Variants in FAM178B observed in about 807,000 individuals in gnomAD.
FAM178B encodes family with sequence similarity 178 member B.
In FAM178B, 82 loss-of-function variants were observed where a neutral mutation model predicts 91.7. The ratio of observed to expected loss-of-function variants is 0.89; its 90% CI spans 0.75 to 1.07. FAM178B has a LOEUF of 1.07. FAM178B is among the 50% of genes least tolerant of loss of function. FAM178B has a pLI of 0.00. For missense variants in FAM178B, 769 were observed against 846.7 expected (o/e 0.91, Z 1.14); for synonymous variants, 368 against 359.4 (o/e 1.02, Z -0.27).
At chr2:96,890,323 C>T (rs934931298) in intron 14 of FAM178B, among the ~76,000 whole-genome samples, 10 of 151,942 alleles carry the variant, frequency 6.6e-5, no homozygotes, top group Admixed American at 6.6e-4. Flanking sequence ...AATAATTAGC[C>T]CGGTGTGGTA....
At chr2:96,981,740 CAAAAAAAAAAA>C in intron 1 of FAM178B, among the ~76,000 whole-genome samples, 1 of 18,718 alleles carries the variant, frequency 5.3e-5, no homozygotes, top group South Asian at 1.1e-3. Context: ...GACTCCGTCT[CAAAAAAAAAAA>C]AAAAAAAAAA....
In FAM178B at chr2:96,929,268, G is replaced by T; in HGVS notation, c.1131C>A (p.Phe377Leu). Residue 377 changes from phenylalanine (F) to leucine (L), a missense_variant, in exon 9 of 17, where the codon TTC becomes TTA. By Grantham distance (22) the Phe-to-Leu change is conservative. Transcript: ENST00000490605. ...CAGGACTGTGGGCACCCAGGCTGTG[G>T]AATGCCTCCCTGACTTCTTGCAGTG... is the stretch of plus-strand genomic sequence containing the variant. ...CPSLQEVREA[F>L]HSLGAHSPAL... 1 of 1,551,674 alleles carries T rather than the reference G, an allele frequency of 6.4e-7. No homozygotes were observed. Among genetic ancestry groups the T allele is most frequent in the Non-Finnish European group, 8.7e-7 (1 of 1,146,952 alleles).
In FAM178B at chr2:96,921,282, C is replaced by G. The variant is rs2081334062; in HGVS notation, c.1465-20G>C. On this transcript the variant is annotated intron_variant, in intron 11 of 16. Transcript: ENST00000490605. ...CTGGAGCTGCAGGAGAACGGCACCCCATGGGCTACAGGAGGACACCGCCTT... is the reference window on the plus strand; with the variant it reads ...CTGGAGCTGCAGGAGAACGGCACCCGATGGGCTACAGGAGGACACCGCCTT... The G allele has an allele frequency of 4.5e-6, 7 of 1,549,872 alleles. 1 individual carries two copies. Among genetic ancestry groups the G allele is most frequent in the Non-Finnish European group, 4.4e-6 (5 of 1,145,558 alleles).
chr2:96,985,508 A>C (rs1028386987), intron 1 of FAM178B, among the ~76,000 whole-genome samples: 1 of 152,086 alleles, frequency 6.6e-6, no homozygotes, highest in African/African-American at 2.4e-5. Context: ...ATGTCATCTC[A>C]GTTTTTTTGT....
chr2:96,876,215 C>T lies in FAM178B; in HGVS notation c.*61G>A. On this transcript the variant is annotated 3_prime_UTR_variant, in exon 17 of 17. Coordinates refer to ENST00000490605, the MANE Select transcript of FAM178B (RefSeq NM_001122646.3). ...CCTTGATGCTTCGCTTCCTCCAGTT[C>T]CCTGAGCCTGTTCACTTCCTGCTGA... 1.3e-6 allele frequency: 2 copies of T among 1,552,720 alleles called. No homozygotes were observed.
At chr2:96,888,394 C>A (rs1391872223) in intron 14 of FAM178B, among the ~76,000 whole-genome samples, 1 of 152,250 alleles carries the variant, frequency 6.6e-6, no homozygotes, top group African/African-American at 2.4e-5. Context: ...AGGCAGAGAG[C>A]ATGGCGAGAA....
chr2:96,942,346 A>G (rs1002811011), intron 8 of FAM178B, among the ~76,000 whole-genome samples: 4 of 152,220 alleles, frequency 2.6e-5, no homozygotes, highest in Admixed American at 6.5e-5. Flanking sequence ...GCAGAAATTG[A>G]CGAGCTGGTC....
At chr2:96,878,083 A>T (rs563037539) in intron 15 of FAM178B, 41 bp from the exon 16 acceptor site, 2 of 1,596,936 alleles carry the variant, frequency 1.3e-6, no homozygotes, top group South Asian at 1.1e-5. Flanking sequence ...GTGTAGCACA[A>T]GCCAGGCACA....
intron 7 of FAM178B, among the ~76,000 whole-genome samples, chr2:96,951,069 C>A (rs2081918502): frequency 6.6e-6 from 1 of 152,192 alleles, no homozygotes; most frequent in Admixed American, 6.5e-5. Context: ...TACACCAGGT[C>A]CCTCAGGAAA....
chr2:96,898,845 T>C (rs903990781), intron 13 of FAM178B, among the ~76,000 whole-genome samples: 1 of 151,616 alleles, frequency 6.6e-6, no homozygotes, highest in African/African-American at 2.4e-5. Flanking sequence ...GGGTGACAGG[T>C]GGAAAGGAAG....
At chr2:96,957,884 TCCC>T (rs1318181509) in intron 6 of FAM178B, among the ~76,000 whole-genome samples, 1 of 151,886 alleles carries the variant, frequency 6.6e-6, no homozygotes, top group Non-Finnish European at 1.5e-5. Flanking sequence ...AGACAAATAC[TCCC>T]CAATATTCCC....
At chr2:96,958,522 C>G (rs1253700187) in intron 6 of FAM178B, among the ~76,000 whole-genome samples, 2 of 151,222 alleles carry the variant, frequency 1.3e-5, no homozygotes, top group African/African-American at 2.4e-5. Flanking sequence ...ACCCCCATCT[C>G]TACAAAAAAA....
chr2:96,940,927 G>A (rs1451984272), intron 8 of FAM178B, among the ~76,000 whole-genome samples: 1 of 152,190 alleles, frequency 6.6e-6, no homozygotes, highest in Non-Finnish European at 1.5e-5. Flanking sequence ...CGGCGGACCT[G>A]TGGTCTAGAA....
At chr2:96,905,516 C>G (rs1422953886) in intron 12 of FAM178B, among the ~76,000 whole-genome samples, 3 of 146,186 alleles carry the variant, frequency 2.1e-5, no homozygotes. Flanking sequence ...GAGATCACAC[C>G]ACTGTACTCA....
intron 1 of FAM178B, among the ~76,000 whole-genome samples, chr2:96,978,615 G>T (rs1338999331): frequency 7.1e-6 from 1 of 141,270 alleles, no homozygotes; most frequent in East Asian, 2.0e-4. Context: ...TGCTACAAGA[G>T]ATATGATTTC....
At chr2:96,937,692 G>A (rs1458085042) in intron 8 of FAM178B, among the ~76,000 whole-genome samples, 1 of 152,206 alleles carries the variant, frequency 6.6e-6, no homozygotes, top group Non-Finnish European at 1.5e-5. Flanking sequence ...TACTGGGGGA[G>A]CTGCAGCCAT....
At chr2:96,934,003 A>G (rs2081585310) in intron 8 of FAM178B, among the ~76,000 whole-genome samples, 1 of 152,240 alleles carries the variant, frequency 6.6e-6, no homozygotes, top group South Asian at 2.1e-4. Flanking sequence ...AACTTGTTTC[A>G]ATATTGCCAG....
intron 5 of FAM178B, among the ~76,000 whole-genome samples, chr2:96,964,902 T>C (rs1193015106): frequency 6.6e-6 from 1 of 152,116 alleles, no homozygotes; most frequent in African/African-American, 2.4e-5. Flanking sequence ...TCCTTTGCCA[T>C]CTCCTCCTTG....
intron 9 of FAM178B, among the ~76,000 whole-genome samples, chr2:96,928,729 C>G (rs769595790): frequency 7.9e-5 from 12 of 152,146 alleles, no homozygotes; most frequent in Non-Finnish European, 1.3e-4. Flanking sequence ...TCCCATCTCC[C>G]TGAGGCTGGG....
Sources: allele counts gnomAD v4.1 joint callset (sites outside exome capture counted in the v4.1 genomes callset), GRCh38; gene constraint gnomAD v4.1.1; transcripts MANE v1.5; gene names NCBI Gene and HGNC (gene_info 2026-07-23, HGNC 2026-07-21).